The following CIMAP2 variants were observed in gnomAD, a reference collection of about 807,000 sequenced individuals.
The protein encoded by CIMAP2 is ciliary microtubule-associated protein 2.
At chr1:54,820,518 T>C in the CIMAP2 span, among the ~76,000 whole-genome samples, 6 of 152,126 alleles carry the variant, frequency 3.9e-5, no homozygotes, top group Admixed American at 1.3e-4. Flanking sequence ...CTGTTTTCCA[T>C]AATGGCTGTT....
chr1:54,806,774 T>G, the CIMAP2 span, among the ~76,000 whole-genome samples: 1 of 114,542 alleles, frequency 8.7e-6, no homozygotes, highest in Non-Finnish European at 1.7e-5. Context: ...TGGTAAGGAC[T>G]GTGGAGAAAA....
At chr1:54,841,252 A>AGT in the CIMAP2 span, among the ~76,000 whole-genome samples, 1 of 152,232 alleles carries the variant, frequency 6.6e-6, no homozygotes, top group African/African-American at 2.4e-5. Flanking sequence ...AGATACATAA[A>AGT]GTGTGTAACG....
the CIMAP2 span, chr1:54,811,773 G>GGGGGGGGGGCCCCCCCCCCCCCCCC: frequency 7.5e-7 from 1 of 1,325,050 alleles, no homozygotes; most frequent in Non-Finnish European, 1.0e-6. Context: ...CAGCCTCCAT[G>GGGGGGGGGGCCCCCCCCCCCCCCCC]CCCCCACCCC....
the CIMAP2 span, among the ~76,000 whole-genome samples, chr1:54,835,862 T>TC: frequency 6.6e-6 from 1 of 152,044 alleles, no homozygotes; most frequent in Non-Finnish European, 1.5e-5. Context: ...GCCCACTCTT[T>TC]CCCCCGAAGC....
chr1:54,827,211 A>G, the CIMAP2 span, among the ~76,000 whole-genome samples: 29,985 of 152,216 alleles, frequency 0.2, 3,065 homozygotes, highest in East Asian at 0.34. Context: ...AGCTGGCACT[A>G]GAATCTAGTC....
At chr1:54,813,454 C>T in the CIMAP2 span, among the ~76,000 whole-genome samples, 11 of 152,364 alleles carry the variant, frequency 7.2e-5, no homozygotes, top group African/African-American at 2.6e-4. Context: ...CTCCTCCAGT[C>T]ACTCTGGTTT....
chr1:54,811,765 G>GCCGGGGGGGGGGGGGGGGGGCCCCC, the CIMAP2 span: 1 of 1,301,330 alleles, frequency 7.7e-7, no homozygotes. Flanking sequence ...GGTTCTGACA[G>GCCGGGGGGGGGGGGGGGGGGCCCCC]CCTCCATGCC....
the CIMAP2 span, among the ~76,000 whole-genome samples, chr1:54,824,143 T>C: frequency 6.6e-6 from 1 of 152,178 alleles, no homozygotes; most frequent in African/African-American, 2.4e-5. Flanking sequence ...CACCTCAGCC[T>C]CCCAAGTAGC....
the CIMAP2 span, among the ~76,000 whole-genome samples, chr1:54,809,097 GTGGAC>G: frequency 1.8e-5 from 2 of 109,040 alleles, no homozygotes; most frequent in East Asian, 5.9e-4. Flanking sequence ...ATAAGTATTT[GTGGAC>G]TGAATAAGTG....
At chr1:54,811,312 GC>G in the CIMAP2 span, among the ~76,000 whole-genome samples, 1 of 152,174 alleles carries the variant, frequency 6.6e-6, no homozygotes, top group Admixed American at 6.5e-5. Context: ...ACCAAAGCAG[GC>G]AACTGTCTCA....
the CIMAP2 span, among the ~76,000 whole-genome samples, chr1:54,822,754 C>T: frequency 1.3e-5 from 2 of 152,228 alleles, no homozygotes; most frequent in Non-Finnish European, 2.9e-5. Context: ...GATCCATCCA[C>T]TTCAGCCTCT....
chr1:54,806,303 G>C, the CIMAP2 span: 1 of 1,333,726 alleles, frequency 7.5e-7, no homozygotes, highest in Non-Finnish European at 9.9e-7. Context: ...GGCCTCGGGA[G>C]AGAGGGTGTC....
the CIMAP2 span, among the ~76,000 whole-genome samples, chr1:54,811,577 T>G: frequency 6.6e-6 from 1 of 151,914 alleles, no homozygotes; most frequent in Non-Finnish European, 1.5e-5. Context: ...CCAATCCAAG[T>G]TCAGCTGGGG....
chr1:54,833,152 A>G, the CIMAP2 span, among the ~76,000 whole-genome samples: 1 of 152,154 alleles, frequency 6.6e-6, no homozygotes, highest in East Asian at 1.9e-4. Flanking sequence ...GCGGGTGTAA[A>G]ATGTAGACAT....
the CIMAP2 span, among the ~76,000 whole-genome samples, chr1:54,811,469 G>A: frequency 6.6e-6 from 1 of 152,126 alleles, no homozygotes; most frequent in Non-Finnish European, 1.5e-5. Flanking sequence ...GAAGAAGGTT[G>A]GGCAGAATGA....
the CIMAP2 span, chr1:54,811,851 G>C: frequency 6.6e-7 from 1 of 1,519,562 alleles, no homozygotes; most frequent in Non-Finnish European, 8.9e-7. Context: ...CACCAAGCTG[G>C]AGGAGAATGC....
chr1:54,822,055 C>T, the CIMAP2 span, among the ~76,000 whole-genome samples: 19 of 138,460 alleles, frequency 1.4e-4, 2 homozygotes, highest in African/African-American at 3.4e-4. Flanking sequence ...CCCACCACTA[C>T]GCCCGGCTAA....
At chr1:54,837,482 G>C in the CIMAP2 span, among the ~76,000 whole-genome samples, 1 of 152,152 alleles carries the variant, frequency 6.6e-6, no homozygotes. Context: ...CCAGGGTCTA[G>C]TGTAAGACTT....
chr1:54,807,660 C>G, the CIMAP2 span: 2 of 1,605,232 alleles, frequency 1.2e-6, no homozygotes, highest in Non-Finnish European at 1.7e-6. Context: ...ACTTCCAGTA[C>G]CAGGCCATCA....
Sources: allele counts gnomAD v4.1 joint callset (sites outside exome capture counted in the v4.1 genomes callset), GRCh38; gene constraint gnomAD v4.1.1; transcripts MANE v1.5; gene names NCBI Gene and HGNC (gene_info 2026-07-23, HGNC 2026-07-21).